NFASC: variants seen among roughly 807,000 people sequenced by gnomAD.
NFASC encodes neurofascin.
In NFASC, 43 loss-of-function variants were observed where a neutral mutation model predicts 147.5. The ratio of observed to expected loss-of-function variants is 0.29; its 90% CI spans 0.23 to 0.38. The LOEUF (loss-of-function observed/expected upper bound fraction) is 0.38. NFASC is among the 10% of genes least tolerant of loss of function. The pLI is 1.00. For synonymous variants in NFASC, 622 were observed against 665.5 expected (o/e 0.93, Z 1.01); for missense variants, 1,320 against 1,689.0 (o/e 0.78, Z 3.83).
chr1:204,903,532 G>A (rs1018624739), intron 1 of NFASC, among the ~76,000 whole-genome samples: 1 of 152,134 alleles, frequency 6.6e-6, no homozygotes, highest in Non-Finnish European at 1.5e-5. Flanking sequence ...CCTGTCCATC[G>A]GCTTGTGATC....
At chr1:204,906,769 G>A (rs2086020368) in intron 1 of NFASC, among the ~76,000 whole-genome samples, 1 of 57,264 alleles carries the variant, frequency 1.7e-5, no homozygotes, top group Non-Finnish European at 3.9e-5. Flanking sequence ...TGCAAGCTCC[G>A]CCTCCCGGGC....
At chr1:204,834,901 A>G (rs1264099801) in intron 1 of NFASC, among the ~76,000 whole-genome samples, 1 of 151,994 alleles carries the variant, frequency 6.6e-6, no homozygotes, top group Non-Finnish European at 1.5e-5. Context: ...TGCCCCACCC[A>G]GCCCCTCGTA....
At position 204,974,698 on chromosome 1, in the gene NFASC, A is replaced by T; in HGVS notation, c.1433A>T (p.Tyr478Phe). The change falls in exon 14 of 30, where the codon TAC becomes TTC. Residue 478 changes from tyrosine to phenylalanine, a missense_variant. Around this residue, in one of 3 missense-constraint regions of NFASC, gnomAD observed 981 missense variants for 1,289.5 expected, o/e 0.76. Transcript: ENST00000339876. ...GGAAGCAACCTGGATGGTGGCAACT[A>T]CCATGTTTATGAGAACGGCAGTCTG... ...GQGSNLDGGN[Y>F]HVYENGSLEI... 1 of 1,614,224 alleles carries T rather than the reference A, an allele frequency of 6.2e-7. No individual in the cohort carries two copies.
chr1:204,874,113 G>A (rs1401284394), intron 1 of NFASC, among the ~76,000 whole-genome samples: 1 of 152,158 alleles, frequency 6.6e-6, no homozygotes, highest in African/African-American at 2.4e-5. Context: ...TAGGAAGGAG[G>A]AGGCTCTCTC....
intron 1 of NFASC, among the ~76,000 whole-genome samples, chr1:204,835,429 A>G (rs1042975001): frequency 2.6e-5 from 4 of 152,010 alleles, no homozygotes; most frequent in Admixed American, 6.5e-5. Flanking sequence ...GGGTTTCACC[A>G]TGTTGGCCAG....
intron 12 of NFASC, 131 bp from the exon 13 acceptor site, chr1:204,974,048 G>A (rs2095337469): frequency 4.1e-5 from 28 of 675,118 alleles, no homozygotes; most frequent in Non-Finnish European, 1.0e-5. Flanking sequence ...AAGGAGGGAA[G>A]GTTGATAGGG....
At chr1:204,948,348 G>A (rs2093913570) in intron 3 of NFASC, among the ~76,000 whole-genome samples, 1 of 152,240 alleles carries the variant, frequency 6.6e-6, no homozygotes, top group Non-Finnish European at 1.5e-5. Context: ...AAATTCCTTA[G>A]TAGCACAGTG....
intron 1 of NFASC, among the ~76,000 whole-genome samples, chr1:204,862,234 A>C (rs1342277457): frequency 6.6e-6 from 1 of 152,224 alleles, no homozygotes; most frequent in Non-Finnish European, 1.5e-5. Flanking sequence ...ACTTAAGAAA[A>C]AAAATTACCA....
chr1:204,933,538 C>T (rs2092555360), intron 2 of NFASC, among the ~76,000 whole-genome samples: 1 of 152,136 alleles, frequency 6.6e-6, no homozygotes, highest in South Asian at 2.1e-4. Flanking sequence ...ACCATGGAGG[C>T]TATAAATGCC....
chr1:204,851,132 A>C (rs1261678245), intron 1 of NFASC, among the ~76,000 whole-genome samples: 3 of 152,228 alleles, frequency 2.0e-5, no homozygotes, highest in Non-Finnish European at 2.9e-5. Flanking sequence ...CATGTAAATC[A>C]GTCTGAAAGC....
intron 27 of NFASC, 133 bp from the exon 28 acceptor site, chr1:205,009,424 G>A (rs779803741): frequency 2.4e-5 from 23 of 953,936 alleles, no homozygotes; most frequent in Admixed American, 3.4e-5. Context: ...TGGGCCAGGG[G>A]GCTGCTAGGT....
chr1:204,861,450 G>C (rs2076665347), intron 1 of NFASC, among the ~76,000 whole-genome samples: 1 of 151,978 alleles, frequency 6.6e-6, no homozygotes, highest in South Asian at 2.1e-4. Context: ...GGGTCATATG[G>C]TAATTCAACA....
chr1:204,973,848 C>A (rs537190995), intron 12 of NFASC, among the ~76,000 whole-genome samples: 2 of 152,168 alleles, frequency 1.3e-5, no homozygotes, highest in East Asian at 3.9e-4. Context: ...ATTTGCTGTA[C>A]CCGCTGGGCA....
intron 1 of NFASC, among the ~76,000 whole-genome samples, chr1:204,911,550 G>A (rs901900708): frequency 6.6e-6 from 1 of 152,216 alleles, no homozygotes; most frequent in African/African-American, 2.4e-5. Flanking sequence ...ATCTGTGAGA[G>A]ATTTATTGGT....
At chr1:204,909,096 A>G (rs1181680134) in intron 1 of NFASC, among the ~76,000 whole-genome samples, 1 of 152,224 alleles carries the variant, frequency 6.6e-6, no homozygotes, top group Non-Finnish European at 1.5e-5. Context: ...TCTGGGATAA[A>G]TGCCCAGAGG....
rs2095466463 is a variant in NFASC at position 204,979,100 on chromosome 1, A to G, written c.1978+31A>G. The G allele has an allele frequency of 4.0e-6, 6 of 1,515,968 alleles. No homozygotes were observed. The South Asian group carries it at 6.0e-5, about 15-fold the overall frequency. The allele number at this position is 1,515,968 out of a possible 1,614,324, so 93.9% of individuals were successfully genotyped here. A position where few individuals can be genotyped will look rare whatever the true frequency, so the allele number is the denominator to read the frequency against. ...TCAGGGCCTTGCACCCCAAAGCTGGAAAAGAGGGACGGCAACACCCTTAAA... is the reference window on the plus strand; with the variant it reads ...TCAGGGCCTTGCACCCCAAAGCTGGGAAAGAGGGACGGCAACACCCTTAAA... On this transcript the variant is annotated intron_variant, in intron 18 of 29. Coordinates refer to ENST00000339876, the MANE Select transcript of NFASC (RefSeq NM_001005388.3). This position sits in a 1 kb window ranked among gnomAD's most constrained non-coding sequence, Gnocchi z 6.0.
At chr1:204,866,827 A>C (rs113643722) in intron 1 of NFASC, among the ~76,000 whole-genome samples, 1 of 152,216 alleles carries the variant, frequency 6.6e-6, no homozygotes, top group Non-Finnish European at 1.5e-5. Context: ...ATGGAGATAC[A>C]TAATGTCCTT....
At position 204,987,614 on chromosome 1, in the gene NFASC, A is replaced by G; in HGVS notation, c.2593+74A>G. On this transcript the variant is annotated intron_variant, in intron 22 of 29. Transcript: ENST00000339876. This position sits in a 1 kb window ranked among gnomAD's most constrained non-coding sequence, Gnocchi z 4.4. ...CCCATTCTCACCACTTTTCCTAAGG[A>G]CTCAAGGTAGAAAGCCTGTGGGTGC... 6.4e-7 allele frequency: 1 copy of G among 1,574,542 alleles called. No individual in the cohort carries two copies. The highest frequency in any genetic ancestry group is 8.7e-7 in the Non-Finnish European group (1 of 1,149,230).
At chr1:204,950,059 A>G in intron 3 of NFASC, among the ~76,000 whole-genome samples, 1 of 152,248 alleles carries the variant, frequency 6.6e-6, no homozygotes, top group East Asian at 1.9e-4. Context: ...CAAGGAGAGA[A>G]GGTGTCGTGG....
Sources: gnomAD v4.1 joint callset for allele counts (sites outside exome capture counted in the v4.1 genomes callset) on GRCh38, gnomAD v4.1.1 for gene constraint, gnomAD v4.1.1 regional missense constraint, Gnocchi (gnomAD v3.1) non-coding constraint, MANE v1.5 for transcripts, NCBI Gene and HGNC (gene_info 2026-07-23, HGNC 2026-07-21) for gene names.